The following VEGFC variants were observed in gnomAD, a reference collection of about 807,000 sequenced individuals.
VEGFC encodes the protein FLT4 ligand DHM.
In VEGFC, 12 loss-of-function variants were observed where a neutral mutation model predicts 46.1. That is an observed-to-expected ratio of 0.26 (90% CI 0.17 to 0.42). VEGFC has a LOEUF of 0.42. Among genes scored for constraint, VEGFC ranks in the 10% least tolerant of loss-of-function variants. VEGFC has a pLI of 1.00. For missense variants in VEGFC, 488 were observed against 529.4 expected (o/e 0.92, Z 0.77); for synonymous variants, 232 against 195.5 (o/e 1.19, Z -1.56).
intron 1 of VEGFC, among the ~76,000 whole-genome samples, chr4:176,765,678 C>T (rs1735607766): frequency 6.6e-6 from 1 of 151,694 alleles, no homozygotes; most frequent in South Asian, 2.1e-4. Context: ...GCCTCAGCCT[C>T]CCGAGTAGCT....
At chr4:176,783,419 G>A (rs1191463214) in intron 1 of VEGFC, among the ~76,000 whole-genome samples, 1 of 152,004 alleles carries the variant, frequency 6.6e-6, no homozygotes. Context: ...TTTATTTTTT[G>A]TGGCAATAAT....
chr4:176,792,458 G>A lies in VEGFC; in HGVS notation c.-147C>T, dbSNP rs944984038. 9.0e-6 allele frequency: 5 copies of A among 554,200 alleles called. No homozygotes were observed. Among genetic ancestry groups the A allele is most frequent in the Non-Finnish European group, 1.1e-5 (4 of 355,120 alleles). 34.3% of individuals were successfully genotyped at this position (554,200 alleles called of 1,614,324 possible). On this transcript the variant is annotated 5_prime_UTR_variant, in exon 1 of 7. Transcript: ENST00000618562. This position sits in a 1 kb window ranked among gnomAD's most constrained non-coding sequence, Gnocchi z 6.3. ...CCCCTGGGCGAGCCGGAGGCGGCGG[G>A]AGCGGGTCCGGGGCTCCGCGTTCCC... is the stretch of plus-strand genomic sequence containing the variant.
intron 3 of VEGFC, among the ~76,000 whole-genome samples, chr4:176,717,846 G>C (rs903420749): frequency 6.6e-6 from 1 of 152,094 alleles, no homozygotes; most frequent in East Asian, 1.9e-4. Flanking sequence ...ATGGGAAAAG[G>C]TCTTAGCATT....
At position 176,781,463 on chromosome 4, in the gene VEGFC, G is replaced by A. The variant is rs115607908; in HGVS notation, c.147+10702C>T. 1.6e-3 allele frequency among the ~76,000 whole-genome samples: 239 copies of A among 152,304 alleles called. 1 individual carries two copies. Among genetic ancestry groups the A allele is most frequent in the African/African-American group, 5.7e-3 (235 of 41,572 alleles). Reference sequence around the variant, plus strand: ...ATTAAAAATATTCCATGTAGGCAATGATATTATAGTAAATTAAATCACAGT... The same window carrying A: ...ATTAAAAATATTCCATGTAGGCAATAATATTATAGTAAATTAAATCACAGT... On this transcript the variant is annotated intron_variant, in intron 1 of 6. Transcript: ENST00000618562.
At chr4:176,722,488 G>GTTTTTT (rs138526102) in intron 3 of VEGFC, among the ~76,000 whole-genome samples, 4 of 134,978 alleles carry the variant, frequency 3.0e-5, no homozygotes, top group Non-Finnish European at 3.0e-5. Context: ...TTTTTCTTTT[G>GTTTTTT]TTTTTTTTTT....
At chr4:176,722,488 GTTTTTTTTTTGT>G (rs1287993602) in intron 3 of VEGFC, among the ~76,000 whole-genome samples, 6 of 134,980 alleles carry the variant, frequency 4.4e-5, no homozygotes, top group African/African-American at 1.9e-4. Flanking sequence ...TTTTTCTTTT[GTTTTTTTTTTGT>G]TTTTTTTTTT....
chr4:176,727,645 C>T, intron 3 of VEGFC, 133 bp downstream of exon 3: 1 of 727,544 alleles, frequency 1.4e-6, no homozygotes, highest in African/African-American at 2.6e-5. Context: ...ACTTCATTCC[C>T]CTAAAGAAAA....
intron 4 of VEGFC, among the ~76,000 whole-genome samples, chr4:176,689,856 A>G (rs1313704693): frequency 1.3e-5 from 2 of 152,334 alleles, no homozygotes; most frequent in East Asian, 3.9e-4. Flanking sequence ...GAAACAATAT[A>G]CATTTTAGAT....
intron 3 of VEGFC, among the ~76,000 whole-genome samples, chr4:176,727,394 G>A (rs1734888787): frequency 6.6e-6 from 1 of 152,210 alleles, no homozygotes; most frequent in Admixed American, 6.5e-5. Flanking sequence ...TGTTTGCACT[G>A]TTATCTCCAC....
intron 4 of VEGFC, chr4:176,705,837 A>C (rs1734524489): frequency 6.6e-6 from 1 of 152,164 alleles, no homozygotes; most frequent in South Asian, 2.1e-4. Context: ...ATTTCAGTGA[A>C]GATTAGCTTA....
Position 176,702,932 on chromosome 4 carries a change from T to C in VEGFC, c.704+8567A>G, listed in dbSNP as rs193187071. ...ATATGACTATATCTGTAAAACATAA[T>C]GTCAAGAGAAAAAAAGTAATGCCAA... On this transcript the variant is annotated intron_variant, in intron 4 of 6. Transcript: ENST00000618562. Among the ~76,000 whole-genome samples, 481 of 152,190 alleles carry C rather than the reference T, an allele frequency of 3.2e-3. 2 individuals carry two copies. Among genetic ancestry groups the C allele is most frequent in the African/African-American group, 0.011 (464 of 41,546 alleles).
intron 1 of VEGFC, among the ~76,000 whole-genome samples, chr4:176,763,150 T>C (rs1473299814): frequency 2.6e-5 from 4 of 152,272 alleles, no homozygotes; most frequent in South Asian, 4.1e-4. Flanking sequence ...AAGTGGTCTC[T>C]ATTTATAGTG....
chr4:176,688,315 T>G (rs1443319621), intron 4 of VEGFC, among the ~76,000 whole-genome samples: 1 of 152,242 alleles, frequency 6.6e-6, no homozygotes, highest in Non-Finnish European at 1.5e-5. Flanking sequence ...TGCTCCATTA[T>G]TTTTAGTGGC....
intron 1 of VEGFC, among the ~76,000 whole-genome samples, chr4:176,769,808 C>A (rs1735691881): frequency 6.6e-6 from 1 of 152,100 alleles, no homozygotes; most frequent in Admixed American, 6.6e-5. Context: ...TCATACAGCT[C>A]CTGAGGCCCA....
intron 1 of VEGFC, among the ~76,000 whole-genome samples, chr4:176,760,568 G>A (rs1052701939): frequency 6.6e-6 from 1 of 152,088 alleles, no homozygotes. Context: ...AAAGAAATGT[G>A]ATGAGAATTC....
intron 4 of VEGFC, among the ~76,000 whole-genome samples, chr4:176,695,748 G>A (rs1365552172): frequency 2.6e-5 from 4 of 151,886 alleles, no homozygotes; most frequent in Non-Finnish European, 2.9e-5. Flanking sequence ...CTGGCAAAAC[G>A]AATCCAGCAG....
In VEGFC at chr4:176,687,424, C is replaced by T; in HGVS notation, c.908G>A (p.Ser303Asn). The change falls in exon 6 of 7, where the codon AGC (serine) becomes AAC (asparagine). Residue 303 changes from serine to asparagine, a missense_variant. By Grantham distance (46) the Ser-to-Asn change is conservative. Coordinates refer to ENST00000618562, the MANE Select transcript of VEGFC (RefSeq NM_005429.5). ...CVCRAGLRPA[S>N]CGPHKELDRN... The stretch of plus-strand genomic sequence containing the variant: ...GTCTAGTTCTTTGTGGGGTCCACAG[C>T]TGGCAGGCCGAAGCCCCGCTCTGCA... 1 of 1,614,174 alleles carries T rather than the reference C, an allele frequency of 6.2e-7. No individual in the cohort carries two copies. The highest frequency in any genetic ancestry group is 8.5e-7 in the Non-Finnish European group (1 of 1,180,028).
chr4:176,722,653 C>G (rs1293934732), intron 3 of VEGFC, among the ~76,000 whole-genome samples: 2 of 151,992 alleles, frequency 1.3e-5, no homozygotes, highest in African/African-American at 4.8e-5. Flanking sequence ...TGCACAACAC[C>G]ATGCCTGGCT....
chr4:176,762,659 C>A (rs1442126182), intron 1 of VEGFC, among the ~76,000 whole-genome samples: 1 of 152,214 alleles, frequency 6.6e-6, no homozygotes, highest in African/African-American at 2.4e-5. Flanking sequence ...TATCTACATA[C>A]ATGCACACAT....
Sources: allele counts gnomAD v4.1 joint callset (sites outside exome capture counted in the v4.1 genomes callset), GRCh38; gene constraint gnomAD v4.1.1; non-coding constraint Gnocchi (gnomAD v3.1); transcripts MANE v1.5; gene names NCBI Gene and HGNC (gene_info 2026-07-23, HGNC 2026-07-21).